The following ZC3H13 variants were observed in gnomAD, a reference collection of about 807,000 sequenced individuals.
ZC3H13 encodes zinc finger CCCH-type containing 13.
Under a neutral mutation model 204.1 loss-of-function variants are expected in ZC3H13, and 64 were observed. The ratio of observed to expected loss-of-function variants is 0.31; its 90% CI spans 0.26 to 0.39. The LOEUF is 0.39. ZC3H13 is among the 10% of genes least tolerant of loss of function. The pLI is 1.00. For missense variants in ZC3H13, 1,833 were observed against 2,082.7 expected (o/e 0.88, Z 2.33); for synonymous variants, 667 against 693.7 (o/e 0.96, Z 0.60).
At chr13:45,995,818 T>C (rs537271820) in intron 8 of ZC3H13, among the ~76,000 whole-genome samples, 24 of 152,336 alleles carry the variant, frequency 1.6e-4, no homozygotes, top group African/African-American at 5.5e-4. Flanking sequence ...TCTTTATAAG[T>C]TACCTTGTCC....
intron 5 of ZC3H13, among the ~76,000 whole-genome samples, chr13:46,017,997 G>C (rs1015112070): frequency 6.6e-6 from 1 of 152,070 alleles, no homozygotes; most frequent in African/African-American, 2.4e-5. Flanking sequence ...AATCACTTTA[G>C]ATTTTTTAAA....
At chr13:46,004,439 C>T (rs557518306) in intron 7 of ZC3H13, among the ~76,000 whole-genome samples, 57 of 152,196 alleles carry the variant, frequency 3.7e-4, no homozygotes, top group African/African-American at 1.3e-3. Flanking sequence ...ACTCCAGAGG[C>T]TGAGGCAGGA....
At position 45,969,988 on chromosome 13, in the gene ZC3H13, A is replaced by C. The variant is rs759400277; in HGVS notation, c.2573-17T>G. 1.9e-6 allele frequency: 3 copies of C among 1,587,542 alleles called. No individual in the cohort carries two copies. In the Admixed American group the frequency reaches 5.3e-5, roughly 28 times the overall value. Reference sequence around the variant, plus strand: ...GTTTTTCATCTATATAAAAGATAAAAGCAATCACACTCTCACCAGGTTAGT... The same window carrying C: ...GTTTTTCATCTATATAAAAGATAAACGCAATCACACTCTCACCAGGTTAGT... On this transcript the variant is annotated splice_polypyrimidine_tract_variant and intron_variant, in intron 13 of 18. Transcript: ENST00000679008.
At chr13:45,990,021 G>A (rs1442375460) in intron 8 of ZC3H13, among the ~76,000 whole-genome samples, 1 of 152,176 alleles carries the variant, frequency 6.6e-6, no homozygotes, top group Admixed American at 6.5e-5. Flanking sequence ...CAGTGTCTAT[G>A]ATAAACATTT....
chr13:45,978,371 T>C (rs1200838224), intron 11 of ZC3H13, among the ~76,000 whole-genome samples: 3 of 152,084 alleles, frequency 2.0e-5, no homozygotes, highest in East Asian at 1.9e-4. Context: ...TTTATTTCAA[T>C]CATACATCTC....
Position 46,026,512 on chromosome 13 carries a change from CT to C in ZC3H13, c.340-5956del, listed in dbSNP as rs930868822. 1.8e-4 allele frequency among the ~76,000 whole-genome samples: 28 copies of C among 151,626 alleles called. No homozygotes were observed. In the South Asian group the frequency reaches 5.4e-3, roughly 29 times the overall value. ...AAAAACCAAGAACTAGAAAATACAC[CT>C]TTTTTTTAAAGCATGGGTGGAAAAT... On this transcript the variant is annotated intron_variant, in intron 4 of 18. Transcript: ENST00000679008.
At chr13:45,980,221 A>G (rs530306136) in intron 10 of ZC3H13, among the ~76,000 whole-genome samples, 19 of 152,270 alleles carry the variant, frequency 1.2e-4, no homozygotes, top group African/African-American at 4.3e-4. Flanking sequence ...CCCTACCTAT[A>G]TAAAAGTCAT....
rs190508461 is a variant in ZC3H13 at position 46,000,861 on chromosome 13, C to T, written c.944+2278G>A. On this transcript the variant is annotated intron_variant, in intron 8 of 18. Transcript: ENST00000679008. ...AAGAGACTCTTCCTTTCTACTTGAA[C>T]ACTTAGAGGCCACTACACATAGGGT... Among the ~76,000 whole-genome samples the T allele has an allele frequency of 2.5e-4, 38 of 152,244 alleles. No homozygotes were observed. In the East Asian group the frequency reaches 6.9e-3, roughly 28 times the overall value.
At chr13:45,997,491 A>G (rs2040425223) in intron 8 of ZC3H13, among the ~76,000 whole-genome samples, 1 of 152,212 alleles carries the variant, frequency 6.6e-6, no homozygotes. Context: ...ACATAACTCA[A>G]GAAACTTGTA....
chr13:45,990,125 C>T (rs184714374), intron 8 of ZC3H13, among the ~76,000 whole-genome samples: 14 of 152,220 alleles, frequency 9.2e-5, no homozygotes, highest in African/African-American at 2.2e-4. Flanking sequence ...GGTAACTCTT[C>T]GGAGGAGGGG....
Position 46,042,285 on chromosome 13 carries a change from A to G in ZC3H13, c.228-10T>C. ...AGGTCTTTCTGGTGACCTTTGAACC[A>G]AAACACAGAAACAAAACAAAAAACG... On this transcript the variant is annotated splice_polypyrimidine_tract_variant and intron_variant, in intron 3 of 18. Transcript: ENST00000679008. The G allele has an allele frequency of 6.3e-7, 1 of 1,595,480 alleles. No individual in the cohort carries two copies. Among genetic ancestry groups the G allele is most frequent in the South Asian group, 1.1e-5 (1 of 88,158 alleles).
chr13:45,998,301 G>GT (rs1248680696), intron 8 of ZC3H13, among the ~76,000 whole-genome samples: 2 of 152,054 alleles, frequency 1.3e-5, no homozygotes, highest in Non-Finnish European at 2.9e-5. Context: ...ACACACACAA[G>GT]TTATGTTTAC....
Position 46,020,355 on chromosome 13 carries a change from G to A in ZC3H13, c.448+94C>T, listed in dbSNP as rs575554679. The A allele has an allele frequency of 6.0e-5, 52 of 871,638 alleles. No individual in the cohort carries two copies. The East Asian group carries it at 1.3e-3, about 22-fold the overall frequency. The allele number at this position is 871,638 out of a possible 1,614,324, so 54.0% of individuals were successfully genotyped here. ...TCAATAAAATGATTCTGAAACGAGA[G>A]GGATCACAGTCGAAAGGTGTTCTGA... On this transcript the variant is annotated intron_variant, in intron 5 of 18. Transcript: ENST00000679008.
intron 12 of ZC3H13, among the ~76,000 whole-genome samples, chr13:45,973,217 C>T (rs1167783745): frequency 6.6e-6 from 1 of 152,076 alleles, no homozygotes; most frequent in Non-Finnish European, 1.5e-5. Context: ...CAAGGAAATA[C>T]CTAAATAAAC....
chr13:46,038,873 T>C (rs1214199435), intron 4 of ZC3H13, among the ~76,000 whole-genome samples: 1 of 152,082 alleles, frequency 6.6e-6, no homozygotes, highest in Non-Finnish European at 1.5e-5. Flanking sequence ...ATACAAAAAA[T>C]TAGCCAGGCG....
intron 15 of ZC3H13, 120 bp downstream of exon 15, chr13:45,967,384 A>G (rs1952182289): frequency 9.0e-7 from 1 of 1,114,690 alleles, no homozygotes; most frequent in Non-Finnish European, 1.2e-6. Flanking sequence ...CCTCTATAGA[A>G]GAATGGAGAA....
chr13:46,033,645 T>C (rs560044758), intron 4 of ZC3H13, among the ~76,000 whole-genome samples: 36 of 152,246 alleles, frequency 2.4e-4, no homozygotes, highest in African/African-American at 7.5e-4. Flanking sequence ...AGACAATGAC[T>C]AATCTAGCGG....
intron 4 of ZC3H13, among the ~76,000 whole-genome samples, chr13:46,028,625 A>G (rs1346721922): frequency 2.6e-5 from 4 of 152,246 alleles, no homozygotes; most frequent in Non-Finnish European, 4.4e-5. Flanking sequence ...CCACAATGAA[A>G]TTAAACTAGA....
intron 7 of ZC3H13, among the ~76,000 whole-genome samples, chr13:46,003,775 T>C (rs1304185870): frequency 6.6e-6 from 1 of 152,212 alleles, no homozygotes; most frequent in Non-Finnish European, 1.5e-5. Context: ...TGTCTATTCA[T>C]TTAAAACTGG....
Sources: gnomAD v4.1 joint callset for allele counts (sites outside exome capture counted in the v4.1 genomes callset) on GRCh38, gnomAD v4.1.1 for gene constraint, MANE v1.5 for transcripts, NCBI Gene and HGNC (gene_info 2026-07-23, HGNC 2026-07-21) for gene names.